The following ZFAND3 variants were observed in gnomAD, a reference collection of about 807,000 sequenced individuals.
The protein encoded by ZFAND3 is AN1-type zinc finger protein 3.
Under a neutral mutation model 29.6 loss-of-function variants are expected in ZFAND3, and 10 were observed. The ratio of observed to expected loss-of-function variants is 0.34; its 90% CI spans 0.21 to 0.57. The LOEUF is 0.57. Among genes scored for constraint, ZFAND3 ranks in the 20% least tolerant of loss-of-function variants. ZFAND3 has a pLI of 0.86. For synonymous variants in ZFAND3, 128 were observed against 112.6 expected (o/e 1.14, Z -0.87); for missense variants, 230 against 304.5 (o/e 0.76, Z 1.82).
intron 5 of ZFAND3, among the ~76,000 whole-genome samples, chr6:38,124,400 C>T (rs569800238): frequency 1.4e-4 from 22 of 152,330 alleles, no homozygotes; most frequent in African/African-American, 4.8e-4. Flanking sequence ...AGGGGAGGCT[C>T]GGGGCTGCGC....
At chr6:37,867,649 CTG>C (rs1053144457) in intron 1 of ZFAND3, among the ~76,000 whole-genome samples, 2 of 152,194 alleles carry the variant, frequency 1.3e-5, no homozygotes, top group East Asian at 1.9e-4. Context: ...AATATAATAA[CTG>C]TTTGCATATT....
At chr6:37,876,790 C>T (rs1764801369) in intron 1 of ZFAND3, among the ~76,000 whole-genome samples, 1 of 152,064 alleles carries the variant, frequency 6.6e-6, no homozygotes, top group Non-Finnish European at 1.5e-5. Flanking sequence ...TAACCATGAC[C>T]CTTTTGGCTT....
intron 2 of ZFAND3, among the ~76,000 whole-genome samples, chr6:37,934,682 CAA>C (rs1761663401): frequency 6.6e-6 from 1 of 151,254 alleles, no homozygotes; most frequent in Non-Finnish European, 1.5e-5. Flanking sequence ...ACTAAAAATA[CAA>C]AAAAATTAGC....
At chr6:38,043,919 A>G (rs1457696386) in intron 2 of ZFAND3, among the ~76,000 whole-genome samples, 9 of 152,122 alleles carry the variant, frequency 5.9e-5, no homozygotes, top group Admixed American at 2.6e-4. Context: ...CTGGAATTAC[A>G]GGTGTGAGCC....
At chr6:37,823,653 T>A (rs1581688192) in intron 1 of ZFAND3, among the ~76,000 whole-genome samples, 1 of 152,340 alleles carries the variant, frequency 6.6e-6, no homozygotes, top group South Asian at 2.1e-4. Flanking sequence ...GCTTGTATGG[T>A]ATAAATTGTG....
intron 1 of ZFAND3, among the ~76,000 whole-genome samples, chr6:37,854,566 G>A (rs1260910439): frequency 1.3e-5 from 2 of 152,010 alleles, no homozygotes; most frequent in Non-Finnish European, 2.9e-5. Flanking sequence ...CTGTTTGCCC[G>A]GCACTGTTCT....
At position 38,041,820 on chromosome 6, in the gene ZFAND3, CTCCTCCT is replaced by C. The variant is rs1333502131; in HGVS notation, c.113-19771_113-19765del. ...TCTTCTCCTCTTCTTTCTTCTTCTT[CTCCTCCT>C]TTTTTTTTTTTTTTTATATGAGACA... On this transcript the variant is annotated intron_variant, in intron 2 of 5. Transcript: ENST00000287218. 4.1e-3 allele frequency among the ~76,000 whole-genome samples: 63 copies of C among 15,532 alleles called. 26 individuals carry two copies. Among genetic ancestry groups the C allele is most frequent in the African/African-American group, 9.0e-3 (57 of 6,358 alleles). 10.2% of individuals were successfully genotyped at this position (15,532 alleles called of 152,430 possible).
chr6:37,953,364 T>C (rs180765900), intron 2 of ZFAND3, among the ~76,000 whole-genome samples: 1 of 152,074 alleles, frequency 6.6e-6, no homozygotes, highest in East Asian at 1.9e-4. Context: ...GTATAAACTT[T>C]ATAATAATAT....
At chr6:37,925,764 C>T (rs1360336390) in intron 1 of ZFAND3, among the ~76,000 whole-genome samples, 3 of 151,700 alleles carry the variant, frequency 2.0e-5, no homozygotes, top group Non-Finnish European at 2.9e-5. Flanking sequence ...AAGGTGTTTC[C>T]CATTTATATG....
At chr6:38,094,160 TAA>T (rs1223267314) in intron 4 of ZFAND3, among the ~76,000 whole-genome samples, 6 of 151,952 alleles carry the variant, frequency 3.9e-5, no homozygotes, top group Non-Finnish European at 7.4e-5. Flanking sequence ...AATAATACCA[TAA>T]GTTGTAAGTA....
At chr6:38,084,706 C>T (rs1470010165) in intron 4 of ZFAND3, among the ~76,000 whole-genome samples, 1 of 152,158 alleles carries the variant, frequency 6.6e-6, no homozygotes, top group Non-Finnish European at 1.5e-5. Context: ...ATTGAGCTCT[C>T]AGTCATACCT....
intron 2 of ZFAND3, among the ~76,000 whole-genome samples, chr6:38,019,399 T>C (rs1763307721): frequency 1.3e-5 from 2 of 152,250 alleles, no homozygotes; most frequent in African/African-American, 2.4e-5. Flanking sequence ...TATTAGACTT[T>C]GGGTCTTTTT....
rs1764526601 is a variant in ZFAND3, at chr6:38,075,075, A to G, written c.296-7317A>G. Among the ~76,000 whole-genome samples, 9 of 152,360 alleles carry G rather than the reference A, an allele frequency of 5.9e-5. No homozygotes were observed. In the South Asian group the frequency reaches 1.9e-3, roughly 32 times the overall value. Reference sequence around the variant, plus strand: ...CCAAGAGCTCTGATGGAGAGGTACAAGGAAATTTATGTTTCCATGCCTGGT... The same window carrying G: ...CCAAGAGCTCTGATGGAGAGGTACAGGGAAATTTATGTTTCCATGCCTGGT... On this transcript the variant is annotated intron_variant, in intron 3 of 5. Coordinates refer to ENST00000287218, the MANE Select transcript of ZFAND3 (RefSeq NM_021943.3).
rs539238669 is a variant in ZFAND3, at chr6:37,832,349, C to T, written c.71+12333C>T. 2.6e-5 allele frequency among the ~76,000 whole-genome samples: 4 copies of T among 152,212 alleles called. No homozygotes were observed. The East Asian group carries it at 7.7e-4, about 29-fold the overall frequency. ...ATGGAAGATGATGTCAGGTCACTTG[C>T]GGTGGGTGTAGAAGTTCTTTCACTT... On this transcript the variant is annotated intron_variant, in intron 1 of 5. Transcript: ENST00000287218.
chr6:37,918,978 G>C (rs989496450), intron 1 of ZFAND3, among the ~76,000 whole-genome samples: 3 of 70,960 alleles, frequency 4.2e-5, no homozygotes, highest in African/African-American at 2.6e-4. Flanking sequence ...TTTTGAGACG[G>C]AGTCTCGCTC....
rs544781276 is a variant in ZFAND3 at position 38,030,685 on chromosome 6, T to TA, written c.113-30907dup. 2.0e-4 allele frequency among the ~76,000 whole-genome samples: 31 copies of TA among 151,492 alleles called. No individual in the cohort carries two copies. The East Asian group carries it at 6.0e-3, about 30-fold the overall frequency. On this transcript the variant is annotated intron_variant, in intron 2 of 5. Coordinates refer to ENST00000287218, the MANE Select transcript of ZFAND3 (RefSeq NM_021943.3). Reference sequence around the variant, plus strand: ...AGTTATAATGTAAGCACAAGGAAAATACCCTGCAGAAATAAAGGAAAGAAG... The same window carrying TA: ...AGTTATAATGTAAGCACAAGGAAAATAACCCTGCAGAAATAAAGGAAAGAAG...
intron 1 of ZFAND3, among the ~76,000 whole-genome samples, chr6:37,883,450 G>GTTGCTGTTGCATAGAGAACATTTATCAT (rs1159476118): frequency 8.2e-5 from 12 of 147,084 alleles, no homozygotes; most frequent in African/African-American, 1.3e-4. Context: ...AAAGTACCCA[G>GTTGCTGTTGCATAGAGAACATTTATCAT]ACTACAAATG....
chr6:38,011,405 GTTTTACAAA>G (rs1039531559), intron 2 of ZFAND3, among the ~76,000 whole-genome samples: 2 of 152,158 alleles, frequency 1.3e-5, no homozygotes, highest in Non-Finnish European at 2.9e-5. Flanking sequence ...TGGCCGTACT[GTTTTACAAA>G]TTCCCATCAG....
intron 5 of ZFAND3, among the ~76,000 whole-genome samples, chr6:38,121,008 A>G (rs1765523190): frequency 6.6e-6 from 1 of 152,190 alleles, no homozygotes; most frequent in Non-Finnish European, 1.5e-5. Context: ...TGGGGAATAT[A>G]GGAGCTAGAA....
Sources: allele counts gnomAD v4.1 joint callset (sites outside exome capture counted in the v4.1 genomes callset), GRCh38; gene constraint gnomAD v4.1.1; transcripts MANE v1.5; gene names NCBI Gene and HGNC (gene_info 2026-07-23, HGNC 2026-07-21).